Variants in IL6ST observed in about 807,000 individuals in gnomAD.
IL6ST encodes interleukin 6 cytokine family signal transducer.
Under a neutral mutation model 91.3 loss-of-function variants are expected in IL6ST, and 24 were observed. The observed-to-expected ratio is 0.26, with a 90% CI of 0.19 to 0.37. IL6ST has a LOEUF of 0.37. IL6ST is among the 10% of genes least tolerant of loss of function. The pLI is 1.00. For missense variants in IL6ST, 914 were observed against 1,078.5 expected, an observed-to-expected ratio of 0.85 and a Z score of 2.14; for synonymous variants, 351 against 373.6, an observed-to-expected ratio of 0.94 and a Z score of 0.70.
At position 55,975,286 on chromosome 5, in the gene IL6ST, G is replaced by A. The variant is rs144081457; in HGVS notation, c.64+929C>T. Among the ~76,000 whole-genome samples, 142 of 152,188 alleles carry A rather than the reference G, an allele frequency of 9.3e-4. 1 individual carries two copies. The highest frequency in any genetic ancestry group is 3.2e-3 in the African/African-American group (132 of 41,514). On this transcript the variant is annotated intron_variant, in intron 3 of 16. Transcript: ENST00000381298. Reference sequence around the variant, plus strand: ...GTGGATGAGGAATGAGTTATTGTGAGCTCTGGTCATTTAAAAGTTTGTAGC... The same window carrying A: ...GTGGATGAGGAATGAGTTATTGTGAACTCTGGTCATTTAAAAGTTTGTAGC...
Position 55,949,434 on chromosome 5 carries a change from C to T in IL6ST, c.1841-1845G>A, listed in dbSNP as rs1751472431. 5.3e-5 allele frequency among the ~76,000 whole-genome samples: 8 copies of T among 152,128 alleles called. No homozygotes were observed. The South Asian group carries it at 1.7e-3, about 32-fold the overall frequency. ...AGGTTGCAGTGAGCTATGACTGCAC[C>T]ACTGCACTCCAGCCTGGGAGACAGA... On this transcript the variant is annotated intron_variant, in intron 14 of 16. Transcript: ENST00000381298.
intron 2 of IL6ST, among the ~76,000 whole-genome samples, chr5:55,980,507 G>A (rs905985836): frequency 1.3e-5 from 2 of 152,080 alleles, no homozygotes; most frequent in African/African-American, 2.4e-5. Flanking sequence ...CGGAGATGGC[G>A]CCACTGCACT....
chr5:55,973,152 GA>G (rs1753064552), intron 3 of IL6ST, among the ~76,000 whole-genome samples: 1 of 151,910 alleles, frequency 6.6e-6, no homozygotes, highest in South Asian at 2.1e-4. Context: ...ACTGACTTAA[GA>G]AAAAAGTCAA....
intron 1 of IL6ST, among the ~76,000 whole-genome samples, chr5:55,983,380 T>C (rs921818974): frequency 1.3e-5 from 2 of 152,190 alleles, no homozygotes; most frequent in African/African-American, 4.8e-5. Context: ...CACAGAAACA[T>C]GACAGGAACA....
At chr5:55,979,205 C>A (rs1753499158) in intron 2 of IL6ST, among the ~76,000 whole-genome samples, 1 of 151,918 alleles carries the variant, frequency 6.6e-6, no homozygotes, top group South Asian at 2.1e-4. Context: ...CCAGCCTGCA[C>A]AAAATAGTGA....
Position 55,940,069 on chromosome 5 carries a change from A to G in IL6ST, c.*1013T>C. 1 of 196,956 alleles carries G rather than the reference A, an allele frequency of 5.1e-6. No individual in the cohort carries two copies. The allele number at this position is 196,956 out of a possible 1,614,324, so 12.2% of individuals were successfully genotyped here. A position where few individuals can be genotyped will look rare whatever the true frequency, so the allele number is the denominator to read the frequency against. ...AAACAAATTTAAGCTGAAGATATAT[A>G]CTGTATAAAGTGTTCATCTACCCAG... On this transcript the variant is annotated 3_prime_UTR_variant, in exon 17 of 17. Coordinates refer to ENST00000381298, the MANE Select transcript of IL6ST (RefSeq NM_002184.4).
In IL6ST at chr5:55,950,466, G is replaced by A. The variant is rs1170139855; in HGVS notation, c.1840+998C>T. Among the ~76,000 whole-genome samples, 6 of 149,618 alleles carry A rather than the reference G, an allele frequency of 4.0e-5. No individual in the cohort carries two copies. In the East Asian group the frequency reaches 7.9e-4, roughly 20 times the overall value. On this transcript the variant is annotated intron_variant, in intron 14 of 16. Coordinates refer to ENST00000381298, the MANE Select transcript of IL6ST (RefSeq NM_002184.4). ...TAGGAGAATCACTTGAACCTGGGAG[G>A]TGGAGGTTGCAGTGAGCTGAGATCG...
chr5:55,960,449 T>C lies in IL6ST; in HGVS notation c.926A>G (p.Tyr309Cys). 2.5e-6 allele frequency: 4 copies of C among 1,614,042 alleles called. No individual in the cohort carries two copies. Among genetic ancestry groups the C allele is most frequent in the Non-Finnish European group, 3.4e-6 (4 of 1,179,904 alleles). ...TGCTTCTTCACTCCAGTCACTCCAG[T>C]ATCCCTTACCATCTTCCTTCATACA... is the stretch of plus-strand genomic sequence containing the variant. Reference protein sequence around the residue: ...IRCMKEDGKGYWSDWSEEASG... With the variant: ...IRCMKEDGKGCWSDWSEEASG... Residue 309 changes from tyrosine to cysteine, a missense_variant, in exon 8 of 17, where the codon TAC (tyrosine) becomes TGC (cysteine). Transcript: ENST00000381298.
At chr5:55,967,882 C>T (rs1044463571) in intron 5 of IL6ST, among the ~76,000 whole-genome samples, 10 of 152,018 alleles carry the variant, frequency 6.6e-5, no homozygotes, top group African/African-American at 1.7e-4. Context: ...CTGCAACCTC[C>T]GCCTCCTGGA....
intron 1 of IL6ST, chr5:55,994,280 G>A (rs1005370950): frequency 6.6e-6 from 1 of 151,952 alleles, no homozygotes; most frequent in African/African-American, 2.4e-5. Context: ...ATTATTAATA[G>A]AAAAGATCAA....
intron 1 of IL6ST, among the ~76,000 whole-genome samples, chr5:55,987,752 T>C (rs993848558): frequency 3.3e-5 from 5 of 152,220 alleles, no homozygotes; most frequent in Non-Finnish European, 7.3e-5. Context: ...CTTAGAATCA[T>C]TTGGCTCATT....
At chr5:55,975,046 G>A (rs748814799) in intron 3 of IL6ST, among the ~76,000 whole-genome samples, 5 of 151,834 alleles carry the variant, frequency 3.3e-5, no homozygotes, top group Non-Finnish European at 5.9e-5. Flanking sequence ...GTGCAATGGC[G>A]TGACCATGGC....
Position 55,940,150 on chromosome 5 carries a change from T to TAC in IL6ST, c.*931_*932insGT, listed in dbSNP as rs1750803764. ...ATGTGTGTGTATATATATATATATATATACACACATTAGCAATTTAAGCCT... is the reference window on the plus strand; with the variant it reads ...ATGTGTGTGTATATATATATATATATACATACACACATTAGCAATTTAAGCCT... On this transcript the variant is annotated 3_prime_UTR_variant, in exon 17 of 17. Transcript: ENST00000381298. The TAC allele has an allele frequency of 1.0e-5, 2 of 198,634 alleles. No homozygotes were observed. The highest frequency in any genetic ancestry group is 2.0e-5 in the Non-Finnish European group (2 of 98,502). 12.3% of individuals were successfully genotyped at this position (198,634 alleles called of 1,614,324 possible). A position where few individuals can be genotyped will look rare whatever the true frequency, so the allele number is the denominator to read the frequency against.
At chr5:55,954,736 C>G (rs1370470504) in intron 11 of IL6ST, 74 bp downstream of exon 11, 1 of 1,172,942 alleles carries the variant, frequency 8.5e-7, no homozygotes, top group Non-Finnish European at 1.2e-6. Flanking sequence ...GACCAAAACA[C>G]TATAAGCAAA....
Position 55,939,969 on chromosome 5 carries a change from T to G in IL6ST, c.*1113A>C, listed in dbSNP as rs1032183032. The G allele has an allele frequency of 4.9e-6, 1 of 203,062 alleles. No individual in the cohort carries two copies. Among genetic ancestry groups the G allele is most frequent in the Non-Finnish European group, 1.0e-5 (1 of 98,710 alleles). 12.6% of individuals were successfully genotyped at this position (203,062 alleles called of 1,614,324 possible). ...GCAAATATTGCCCAAGTTGTCTTAG[T>G]GTGCCTCAAACATTTACTAAAAATA... On this transcript the variant is annotated 3_prime_UTR_variant, in exon 17 of 17. Transcript: ENST00000381298.
rs1407812096 is a variant in IL6ST, at chr5:55,971,860, A to T, written c.65-2005T>A. Among the ~76,000 whole-genome samples, 3 of 152,330 alleles carry T rather than the reference A, an allele frequency of 2.0e-5. No homozygotes were observed. In the East Asian group the frequency reaches 5.8e-4, roughly 29 times the overall value. ...TCCCAGGACCTCTCACAAAGCCTGT[A>T]AAACCCAGAGCTGGAATGTGTATTT... is the stretch of plus-strand genomic sequence containing the variant. On this transcript the variant is annotated intron_variant, in intron 3 of 16. Transcript: ENST00000381298.
rs1490842877 is a variant in IL6ST, at chr5:55,964,230, C to T, written c.574G>A (p.Val192Ile). ...GCTTCTACCCAGACTTCAATGTTGA[C>T]AAAATACACAGTAGAATAATCAACA... Reference protein sequence around the residue: ...CTVDYSTVYFVNIEVWVEAEN... With the variant: ...CTVDYSTVYFINIEVWVEAEN... The change falls in exon 6 of 17, where the codon GTC (valine) becomes ATC (isoleucine). Residue 192 changes from valine to isoleucine, a missense_variant. By Grantham distance (29) the Val-to-Ile change is conservative. Coordinates refer to ENST00000381298, the MANE Select transcript of IL6ST (RefSeq NM_002184.4). 6.2e-7 allele frequency: 1 copy of T among 1,610,446 alleles called. No homozygotes were observed. Among genetic ancestry groups the T allele is most frequent in the Non-Finnish European group, 8.5e-7 (1 of 1,177,446 alleles).
intron 9 of IL6ST, 53 bp downstream of exon 9, chr5:55,957,156 C>CA (rs35994470): frequency 0.15 from 111,391 of 750,632 alleles, 1,153 homozygotes; most frequent in Middle Eastern, 0.17. Flanking sequence ...GACTCGGTTT[C>CA]AAAAAAAAAA....
intron 5 of IL6ST, among the ~76,000 whole-genome samples, chr5:55,967,921 G>C (rs1473733815): frequency 6.6e-6 from 1 of 151,878 alleles, no homozygotes; most frequent in Non-Finnish European, 1.5e-5. Context: ...CTCAACCTCC[G>C]AGTCACTGGG....
Sources: allele counts gnomAD v4.1 joint callset (sites outside exome capture counted in the v4.1 genomes callset), GRCh38; gene constraint gnomAD v4.1.1; transcripts MANE v1.5; gene names NCBI Gene and HGNC (gene_info 2026-07-23, HGNC 2026-07-21).